The following ARHGAP24 variants were observed in gnomAD, a reference collection of about 807,000 sequenced individuals.
The protein encoded by ARHGAP24 is rho GTPase-activating protein 24.
A neutral mutation model predicts 76.4 loss-of-function variants in ARHGAP24; 50 were observed. The observed-to-expected ratio is 0.65, with a 90% confidence interval of 0.52 to 0.83. The LOEUF is 0.83. Among genes scored for constraint, ARHGAP24 ranks in the 40% least tolerant of loss-of-function variants. The pLI is 0.00. For synonymous variants in ARHGAP24, 345 were observed against 323.3 expected, an observed-to-expected ratio of 1.07 and a Z score of -0.72; for missense variants, 930 against 914.2, an observed-to-expected ratio of 1.02 and a Z score of -0.22.
chr4:85,559,982 C>A (rs2110134811), intron 1 of ARHGAP24, among the ~76,000 whole-genome samples: 1 of 152,182 alleles, frequency 6.6e-6, no homozygotes, highest in South Asian at 2.1e-4. Context: ...TCTTACCTTT[C>A]CATATATGAT....
chr4:85,653,478 A>ATTT lies in ARHGAP24; in HGVS notation c.181-68407_181-68406insTTT, dbSNP rs1560570725. ...TTATTTTAATGTAAATTATTTAATT[A>ATTT]ATTTATTTATTTTGAGGAGGAGGCT... On this transcript the variant is annotated intron_variant, in intron 2 of 9. Coordinates refer to ENST00000395184, the MANE Select transcript of ARHGAP24 (RefSeq NM_001025616.3). Among the ~76,000 whole-genome samples, 8 of 151,378 alleles carry ATTT rather than the reference A, an allele frequency of 5.3e-5. No individual in the cohort carries two copies. The East Asian group carries it at 5.9e-4, about 11-fold the overall frequency.
chr4:85,825,017 G>GA (rs1394824067), intron 3 of ARHGAP24, among the ~76,000 whole-genome samples: 1 of 152,078 alleles, frequency 6.6e-6, no homozygotes, highest in African/African-American at 2.4e-5. Context: ...TTGAACCTGG[G>GA]AGGCGGAGGT....
intron 3 of ARHGAP24, among the ~76,000 whole-genome samples, chr4:85,846,252 A>G (rs951368039): frequency 6.6e-6 from 1 of 152,146 alleles, no homozygotes; most frequent in African/African-American, 2.4e-5. Context: ...TGTTATTTTC[A>G]TGGGGTTATT....
At chr4:85,549,707 C>A in intron 1 of ARHGAP24, among the ~76,000 whole-genome samples, 1 of 152,224 alleles carries the variant, frequency 6.6e-6, no homozygotes, top group East Asian at 1.9e-4. Context: ...TTCACTACCC[C>A]AGGTAATAAG....
Position 85,942,261 on chromosome 4 carries a change from C to T in ARHGAP24, c.587C>T (p.Pro196Leu). 1 of 1,613,946 alleles carries T rather than the reference C, an allele frequency of 6.2e-7. No individual in the cohort carries two copies. ...LQDAFDCGEK[P>L]SFDSNTDVHT... ...GATGCCTTTGACTGTGGGGAGAAGC[C>T]ATCATTTGACAGGTAGATGTCACAA... Residue 196 changes from proline to leucine, a missense_variant, in exon 5 of 10, where the codon CCA becomes CTA. By Grantham distance (98) the Pro-to-Leu change is moderately conservative. Transcript: ENST00000395184.
chr4:85,847,745 G>T (rs1442624951), intron 3 of ARHGAP24, among the ~76,000 whole-genome samples: 1 of 152,114 alleles, frequency 6.6e-6, no homozygotes, highest in Non-Finnish European at 1.5e-5. Context: ...ACATATAGTT[G>T]TCACTGGCCA....
intron 2 of ARHGAP24, among the ~76,000 whole-genome samples, chr4:85,647,054 T>C (rs1320035521): frequency 6.6e-6 from 1 of 152,076 alleles, no homozygotes; most frequent in African/African-American, 2.4e-5. Context: ...AATTGAGGAA[T>C]TGGGAAGAAA....
intron 3 of ARHGAP24, among the ~76,000 whole-genome samples, chr4:85,808,632 A>G (rs1560644189): frequency 6.7e-6 from 1 of 148,178 alleles, no homozygotes; most frequent in South Asian, 2.1e-4. Flanking sequence ...CCAAAAAACT[A>G]TAGAGAGAAG....
intron 1 of ARHGAP24, among the ~76,000 whole-genome samples, chr4:85,564,458 G>A (rs755223197): frequency 2.0e-4 from 15 of 76,284 alleles, no homozygotes; most frequent in East Asian, 6.6e-4. Flanking sequence ...GAGTTAATGG[G>A]TGCAGCACAC....
At chr4:85,535,734 A>G (rs1725443660) in intron 1 of ARHGAP24, among the ~76,000 whole-genome samples, 1 of 152,186 alleles carries the variant, frequency 6.6e-6, no homozygotes, top group Non-Finnish European at 1.5e-5. Flanking sequence ...TGTTGTATAT[A>G]GATGTGTATG....
intron 3 of ARHGAP24, among the ~76,000 whole-genome samples, chr4:85,894,960 C>A (rs1377269186): frequency 1.4e-4 from 5 of 35,356 alleles, no homozygotes; most frequent in Non-Finnish European, 3.3e-4. Context: ...GACTCCCTCT[C>A]AAAAAAAAAA....
At chr4:85,661,852 A>C (rs1254195034) in intron 2 of ARHGAP24, among the ~76,000 whole-genome samples, 1 of 152,078 alleles carries the variant, frequency 6.6e-6, no homozygotes, top group Non-Finnish European at 1.5e-5. Flanking sequence ...TGAACTCATC[A>C]TTTTTTATGG....
At chr4:85,985,121 C>A (rs191285802) in intron 8 of ARHGAP24, among the ~76,000 whole-genome samples, 1 of 152,172 alleles carries the variant, frequency 6.6e-6, no homozygotes, top group African/African-American at 2.4e-5. Context: ...CATGCCCGGC[C>A]AGAAGAGTAA....
intron 2 of ARHGAP24, among the ~76,000 whole-genome samples, chr4:85,709,068 T>C (rs1056085960): frequency 6.6e-6 from 1 of 152,154 alleles, no homozygotes; most frequent in Non-Finnish European, 1.5e-5. Context: ...CAGTACCCTT[T>C]AAACTATTAA....
Position 85,883,165 on chromosome 4 carries a change from G to C in ARHGAP24, c.269-40483G>C, listed in dbSNP as rs187750586. 2.0e-3 allele frequency among the ~76,000 whole-genome samples: 298 copies of C among 152,294 alleles called. 2 individuals are homozygous for C. The highest frequency in any genetic ancestry group is 6.8e-3 in the African/African-American group (284 of 41,554). ...TTACCAGCAAGTAGGAAGGCTGGCA[G>C]AAGTTCGCATATAATGAAGAATTTG... On this transcript the variant is annotated intron_variant, in intron 3 of 9. Coordinates refer to ENST00000395184, the MANE Select transcript of ARHGAP24 (RefSeq NM_001025616.3).
intron 1 of ARHGAP24, among the ~76,000 whole-genome samples, chr4:85,533,698 G>GA (rs1319629588): frequency 6.6e-6 from 1 of 151,752 alleles, no homozygotes; most frequent in East Asian, 1.9e-4. Flanking sequence ...AGTTGCCACA[G>GA]AAAAAAATAA....
chr4:85,667,726 G>A (rs1016661895), intron 2 of ARHGAP24, among the ~76,000 whole-genome samples: 1 of 152,110 alleles, frequency 6.6e-6, no homozygotes, highest in Non-Finnish European at 1.5e-5. Flanking sequence ...ATGAATATTT[G>A]TGTTTTTCTG....
chr4:85,940,711 A>G (rs1048666103), intron 4 of ARHGAP24, among the ~76,000 whole-genome samples: 1 of 152,174 alleles, frequency 6.6e-6, no homozygotes, highest in Non-Finnish European at 1.5e-5. Flanking sequence ...CTTAGAAAAC[A>G]CTATTTCTAA....
intron 1 of ARHGAP24, among the ~76,000 whole-genome samples, chr4:85,554,761 C>T (rs1726283074): frequency 6.6e-6 from 1 of 152,050 alleles, no homozygotes. Context: ...AGCTCCACCT[C>T]CCGGGTTCAC....
Sources: allele counts gnomAD v4.1 joint callset (sites outside exome capture counted in the v4.1 genomes callset), GRCh38; gene constraint gnomAD v4.1.1; transcripts MANE v1.5; gene names NCBI Gene and HGNC (gene_info 2026-07-23, HGNC 2026-07-21).